EED: variants seen among roughly 807,000 people sequenced by gnomAD.
The protein encoded by EED is polycomb protein EED.
EED carries 9 observed loss-of-function variants against 61.0 expected under a neutral mutation model. The observed-to-expected ratio is 0.15, with a 90% CI of 0.09 to 0.26. EED has a LOEUF of 0.26. Among genes scored for constraint, EED ranks in the 10% least tolerant of loss-of-function variants. The probability of loss-of-function intolerance (pLI) is 1.00; values close to 1 mark genes in which losing one functional copy is unlikely to be tolerated. For synonymous variants in EED, 187 were observed against 174.4 expected (o/e 1.07, Z -0.57); for missense variants, 315 against 542.3 (o/e 0.58, Z 4.16).
At chr11:86,266,269 G>A (rs1338056629) in intron 8 of EED, 53 bp downstream of exon 8, 18 of 1,457,534 alleles carry the variant, frequency 1.2e-5, no homozygotes, top group Non-Finnish European at 1.6e-5. Context: ...TTGAATATAA[G>A]TTTTATTTTT....
the EED span, among the ~76,000 whole-genome samples, chr11:86,286,655 T>C: frequency 1.6e-4 from 24 of 152,226 alleles, no homozygotes; most frequent in Middle Eastern, 3.4e-3. Flanking sequence ...TTTAAATTTT[T>C]TTTAATGCAA....
At position 86,256,314 on chromosome 11, in the gene EED, T is replaced by A. The variant is rs1945672362; in HGVS notation, c.427-73T>A. On this transcript the variant is annotated intron_variant, in intron 4 of 11. Coordinates refer to ENST00000263360, the MANE Select transcript of EED (RefSeq NM_003797.5). ...TGTCAAAAACTTTAGCAGTTCTTTATAAGTTTCTATTATAATTATTGACAT... is the reference window on the plus strand; with the variant it reads ...TGTCAAAAACTTTAGCAGTTCTTTAAAAGTTTCTATTATAATTATTGACAT... 1.4e-5 allele frequency: 19 copies of A among 1,375,658 alleles called. No homozygotes were observed. The South Asian group carries it at 3.0e-4, about 22-fold the overall frequency. 85.2% of individuals were successfully genotyped at this position (1,375,658 alleles called of 1,614,324 possible). A position where few individuals can be genotyped will look rare whatever the true frequency, so the allele number is the denominator to read the frequency against.
At chr11:86,267,307 G>A (rs1036560558) in intron 8 of EED, among the ~76,000 whole-genome samples, 1 of 152,120 alleles carries the variant, frequency 6.6e-6, no homozygotes, top group African/African-American at 2.4e-5. Flanking sequence ...TGAATTGGAA[G>A]GATTGTTTTG....
At chr11:86,249,006 A>G (rs1945460094) in intron 1 of EED, among the ~76,000 whole-genome samples, 1 of 152,140 alleles carries the variant, frequency 6.6e-6, no homozygotes, top group Non-Finnish European at 1.5e-5. Context: ...CTCAAAAAAG[A>G]GTTGTAAGAT....
chr11:86,270,272 C>CTTAT (rs150211680), intron 9 of EED: 6,133 of 469,122 alleles, frequency 0.013, 292 homozygotes, highest in African/African-American at 0.11. Flanking sequence ...TTTTCATGTG[C>CTTAT]TTATTTACCA....
At chr11:86,246,955 T>G (rs1351825068) in intron 1 of EED, among the ~76,000 whole-genome samples, 1 of 152,176 alleles carries the variant, frequency 6.6e-6, no homozygotes, top group Non-Finnish European at 1.5e-5. Flanking sequence ...GTCTGCCCCA[T>G]AGTAAGTACT....
At chr11:86,247,971 A>C (rs955449816) in intron 1 of EED, among the ~76,000 whole-genome samples, 3 of 152,218 alleles carry the variant, frequency 2.0e-5, no homozygotes, top group Non-Finnish European at 4.4e-5. Context: ...CTTCTGCGAG[A>C]GTACTAATGG....
At chr11:86,261,112 A>G (rs1945815949) in intron 6 of EED, among the ~76,000 whole-genome samples, 1 of 152,150 alleles carries the variant, frequency 6.6e-6, no homozygotes, top group Non-Finnish European at 1.5e-5. Context: ...TCAATCAGAT[A>G]TGGGTGAGAC....
In EED at chr11:86,247,626, T is replaced by C. The variant is rs1190903807; in HGVS notation, c.114+2283T>C. Among the ~76,000 whole-genome samples the C allele has an allele frequency of 9.2e-5, 14 of 152,210 alleles. No homozygotes were observed. The South Asian group carries it at 1.9e-3, about 20-fold the overall frequency. The stretch of plus-strand genomic sequence containing the variant: ...AAAGGTGGCAAAAATTAAGATGCAA[T>C]TTTTTTTCCCCATTTGAGTTCACAA... On this transcript the variant is annotated intron_variant, in intron 1 of 11. Coordinates refer to ENST00000263360, the MANE Select transcript of EED (RefSeq NM_003797.5).
chr11:86,284,083 G>A, the EED span: 2 of 152,144 alleles, frequency 1.3e-5, no homozygotes, highest in Non-Finnish European at 1.5e-5. Flanking sequence ...ACCCTCTATC[G>A]GGTCCTGAGG....
chr11:86,245,205 G>C lies in EED; in HGVS notation c.-25G>C. 6.3e-7 allele frequency: 1 copy of C among 1,599,282 alleles called. No individual in the cohort carries two copies. The highest frequency in any genetic ancestry group is 1.3e-5 in the African/African-American group (1 of 74,162). Reference sequence around the variant, plus strand: ...GGCGGAGGCCCCGCCCCAGGCGGCAGGAACCTGGAGGGAGGCGGAGGAATA... The same window carrying C: ...GGCGGAGGCCCCGCCCCAGGCGGCACGAACCTGGAGGGAGGCGGAGGAATA... On this transcript the variant is annotated 5_prime_UTR_variant, in exon 1 of 12. Coordinates refer to ENST00000263360, the MANE Select transcript of EED (RefSeq NM_003797.5).
At chr11:86,255,868 C>T (rs1945656936) in intron 4 of EED, among the ~76,000 whole-genome samples, 1 of 152,132 alleles carries the variant, frequency 6.6e-6, no homozygotes, top group African/African-American at 2.4e-5. Context: ...CTTCCAGATC[C>T]ATTTGAAAAA....
rs748759009 is a variant in EED at position 86,245,326 on chromosome 11, C to G, written c.97C>G (p.Leu33Val). 1.9e-6 allele frequency: 3 copies of G among 1,612,318 alleles called. No homozygotes were observed. Among genetic ancestry groups the G allele is most frequent in the Non-Finnish European group, 2.5e-6 (3 of 1,179,096 alleles). Residue 33 changes from leucine (L) to valine (V), a missense_variant, in exon 1 of 12, where the codon CTC (leucine) becomes GTC (valine). Physicochemically the swap from Leu to Val is conservative, Grantham distance 32 (BLOSUM62 1). Around this residue, in one of 2 missense-constraint regions of EED, gnomAD observed 110 missense variants for 86.9 expected, o/e 1.27. Transcript: ENST00000263360. ...LSSDENSNPD[L>V]SGDENDDAVS... ...CAGTGACGAGAACAGCAATCCAGAC[C>G]TCTCTGGAGACGAGAATGTAAGTGC...
At chr11:86,256,204 TTTTG>T (rs1180311350) in intron 4 of EED, among the ~76,000 whole-genome samples, 179 bp from the exon 5 acceptor site, 4 of 152,216 alleles carry the variant, frequency 2.6e-5, no homozygotes. Context: ...GAGACTGTAA[TTTTG>T]TTTGATCATT....
At chr11:86,248,282 C>T (rs997424713) in intron 1 of EED, among the ~76,000 whole-genome samples, 1 of 152,156 alleles carries the variant, frequency 6.6e-6, no homozygotes, top group Non-Finnish European at 1.5e-5. Context: ...TCATTTGATT[C>T]CATCTTGATT....
At chr11:86,265,107 T>C (rs1945941565) in intron 7 of EED, 1 of 152,214 alleles carries the variant, frequency 6.6e-6, no homozygotes, top group Non-Finnish European at 1.5e-5. Context: ...TGAACTGTTC[T>C]TTATTAATAA....
intron 6 of EED, among the ~76,000 whole-genome samples, chr11:86,262,349 C>T (rs1207989699): frequency 6.6e-6 from 1 of 152,224 alleles, no homozygotes; most frequent in Non-Finnish European, 1.5e-5. Context: ...ATTTCTTCTG[C>T]CAGGTATTGG....
intron 2 of EED, among the ~76,000 whole-genome samples, chr11:86,251,611 A>G (rs1945533048): frequency 6.6e-6 from 1 of 152,168 alleles, no homozygotes; most frequent in Middle Eastern, 3.2e-3. Flanking sequence ...GTAACTGTGC[A>G]GTTACAGTTT....
chr11:86,248,710 AG>A (rs1294542172), intron 1 of EED, among the ~76,000 whole-genome samples: 2 of 152,154 alleles, frequency 1.3e-5, no homozygotes, highest in African/African-American at 4.8e-5. Context: ...CATGTCTATC[AG>A]TTATTCATAA....
Sources: allele counts gnomAD v4.1 joint callset (sites outside exome capture counted in the v4.1 genomes callset), GRCh38; gene constraint gnomAD v4.1.1; regional missense constraint gnomAD v4.1.1; transcripts MANE v1.5; gene names NCBI Gene and HGNC (gene_info 2026-07-23, HGNC 2026-07-21).